The following WDPCP variants were observed in gnomAD, a reference collection of about 807,000 sequenced individuals.
WDPCP encodes WD repeat containing planar cell polarity effector.
WDPCP carries 71 observed loss-of-function variants against 93.1 expected under a neutral mutation model. The ratio of observed to expected loss-of-function variants is 0.76; its 90% CI spans 0.63 to 0.93. WDPCP has a LOEUF of 0.93. Ranked by LOEUF, WDPCP falls within the 40% of genes least tolerant of loss-of-function variation. WDPCP has a pLI of 0.00. For missense variants in WDPCP, 844 were observed against 887.4 expected, an observed-to-expected ratio of 0.95 and a Z score of 0.62; for synonymous variants, 315 against 315.0, an observed-to-expected ratio of 1.00 and a Z score of 0.00.
chr2:63,167,773 G>A (rs1271171461), intron 15 of WDPCP, among the ~76,000 whole-genome samples: 5 of 152,026 alleles, frequency 3.3e-5, no homozygotes, highest in Non-Finnish European at 7.4e-5. Context: ...TTATGTTTAG[G>A]TATTATTTCT....
intron 3 of WDPCP, among the ~76,000 whole-genome samples, chr2:63,638,768 G>A (rs552169367): frequency 6.6e-6 from 1 of 151,048 alleles, no homozygotes; most frequent in South Asian, 2.1e-4. Context: ...CAGCCTGGGT[G>A]ACAGAGGGAG....
intron 17 of WDPCP, among the ~76,000 whole-genome samples, chr2:63,137,784 T>C (rs1670734188): frequency 6.6e-6 from 1 of 152,198 alleles, no homozygotes; most frequent in African/African-American, 2.4e-5. Context: ...GCTAGCTACT[T>C]ATCCCAGCAC....
intron 2 of WDPCP, among the ~76,000 whole-genome samples, chr2:63,805,078 C>T (rs147926461): frequency 5.9e-5 from 9 of 152,118 alleles, no homozygotes; most frequent in East Asian, 1.9e-4. Flanking sequence ...GTGTCTCTGG[C>T]GGAAGATAGG....
chr2:63,486,585 C>T lies in WDPCP; in HGVS notation c.210G>A (p.Ala70=), dbSNP rs961809737. ...TCTTTTCTAAGTTACCATGCTCTGTCGCTGATATTGTGGCAGAAGGGATAG... is the reference window on the plus strand; with the variant it reads ...TCTTTTCTAAGTTACCATGCTCTGTTGCTGATATTGTGGCAGAAGGGATAG... The part of the protein sequence containing the change: ...YQYYDKKDPP[A]TEHGNLEKKQ... Residue 70 remains alanine (A), a splice_region_variant and synonymous_variant, in exon 4 of 18, where the codon GCG becomes GCA. Transcript: ENST00000272321. The T allele has an allele frequency of 8.9e-6, 14 of 1,573,584 alleles. No individual in the cohort carries two copies. The highest frequency in any genetic ancestry group is 5.3e-5 in the Admixed American group (3 of 57,000).
intron 1 of WDPCP, among the ~76,000 whole-genome samples, chr2:63,586,748 G>A (rs145557863): frequency 1.3e-5 from 2 of 152,150 alleles, no homozygotes; most frequent in Non-Finnish European, 2.9e-5. Flanking sequence ...ATGGGAATAC[G>A]GGGGCTTACA....
At chr2:63,648,513 C>T (rs1229808475) in intron 3 of WDPCP, among the ~76,000 whole-genome samples, 3 of 152,276 alleles carry the variant, frequency 2.0e-5, no homozygotes, top group Admixed American at 1.3e-4. Context: ...TCCCAAAATA[C>T]GGTGCCCCTA....
rs1673678424 is a variant in WDPCP, at chr2:63,174,815, C to T, written c.1933G>A (p.Asp645Asn). 1 of 1,613,818 alleles carries T rather than the reference C, an allele frequency of 6.2e-7. No homozygotes were observed. Among genetic ancestry groups the T allele is most frequent in the Non-Finnish European group, 8.5e-7 (1 of 1,179,848 alleles). ...TSGVELLGPLDRGDMLNEAFI... is the reference protein window; with the variant it reads ...TSGVELLGPLNRGDMLNEAFI... ...GCTTCATTTAGCATATCCCCTCTGTCCAAGGGTCCCAGGAGTTCTGTTGAA... is the reference window on the plus strand; with the variant it reads ...GCTTCATTTAGCATATCCCCTCTGTTCAAGGGTCCCAGGAGTTCTGTTGAA... Residue 645 changes from aspartate to asparagine, a missense_variant, in exon 15 of 18, where the codon GAC (aspartate) becomes AAC (asparagine). Transcript: ENST00000272321.
chr2:63,234,568 T>G (rs935250515), intron 14 of WDPCP, among the ~76,000 whole-genome samples: 4 of 152,188 alleles, frequency 2.6e-5, no homozygotes, highest in African/African-American at 4.8e-5. Context: ...CATTTTAAAG[T>G]ACATATAATC....
At chr2:63,642,403 A>G (rs994136222) in intron 3 of WDPCP, 4 of 151,208 alleles carry the variant, frequency 2.6e-5, no homozygotes, top group African/African-American at 9.7e-5. Context: ...TGCTTTGGGT[A>G]GTATGGACAT....
At chr2:63,489,122 T>TCC (rs749932904) in intron 2 of WDPCP, among the ~76,000 whole-genome samples, 8 of 151,980 alleles carry the variant, frequency 5.3e-5, no homozygotes, top group Admixed American at 1.3e-4. Context: ...GTATATCAAA[T>TCC]CCCACATGGG....
intron 13 of WDPCP, among the ~76,000 whole-genome samples, chr2:63,298,352 A>G (rs1323818219): frequency 6.6e-6 from 1 of 151,986 alleles, no homozygotes; most frequent in Non-Finnish European, 1.5e-5. Context: ...TATGCAAAGT[A>G]TTGTTTCTGG....
intron 1 of WDPCP, among the ~76,000 whole-genome samples, chr2:63,520,228 T>C (rs1293141159): frequency 1.3e-5 from 2 of 151,786 alleles, no homozygotes; most frequent in African/African-American, 2.4e-5. Context: ...CCAAGAAATA[T>C]GGGATTATAT....
At chr2:63,779,271 G>A (rs980484443) in intron 2 of WDPCP, among the ~76,000 whole-genome samples, 9 of 152,162 alleles carry the variant, frequency 5.9e-5, no homozygotes, top group Non-Finnish European at 1.2e-4. Context: ...TGCTGGAACT[G>A]TTTTCCAAAA....
At chr2:63,243,661 A>G (rs909457623) in intron 14 of WDPCP, among the ~76,000 whole-genome samples, 3 of 152,148 alleles carry the variant, frequency 2.0e-5, no homozygotes, top group Non-Finnish European at 2.9e-5. Flanking sequence ...AGACTTAACT[A>G]TCCTAAATGT....
chr2:63,276,192 A>C (rs945669735), intron 13 of WDPCP, among the ~76,000 whole-genome samples: 3 of 152,222 alleles, frequency 2.0e-5, no homozygotes, highest in Non-Finnish European at 2.9e-5. Context: ...AGAACACCAC[A>C]TCAAGGGAGC....
rs111592466 is a variant in WDPCP at position 63,683,575 on chromosome 2, G to T, written n.309-32737C>A. Among the ~76,000 whole-genome samples, 1,495 of 152,260 alleles carry T rather than the reference G, an allele frequency of 9.8e-3. 10 individuals are homozygous for T. Among genetic ancestry groups the T allele is most frequent in the Non-Finnish European group, 0.014 (985 of 68,008 alleles). Reference sequence around the variant, plus strand: ...AAGCTATAAAAAGAGACAAAGGGCTGGGCGCAGTGGCTCACATCTGTAATC... The same window carrying T: ...AAGCTATAAAAAGAGACAAAGGGCTTGGCGCAGTGGCTCACATCTGTAATC... On this transcript the variant is annotated intron_variant and non_coding_transcript_variant, in intron 2 of 4. Coordinates refer to the WDPCP transcript ENST00000467687.
At chr2:63,138,069 A>ATT (rs34667163) in intron 17 of WDPCP, among the ~76,000 whole-genome samples, 36,192 of 116,752 alleles carry the variant, frequency 0.31, 6,593 homozygotes, top group East Asian at 0.44. Flanking sequence ...GTTCCATATG[A>ATT]TTTTTTTTTT....
intron 2 of WDPCP, among the ~76,000 whole-genome samples, chr2:63,666,913 T>TA (rs1262241495): frequency 6.6e-6 from 1 of 152,070 alleles, no homozygotes; most frequent in African/African-American, 2.4e-5. Flanking sequence ...AACAGACCCA[T>TA]AAAAAAGAGC....
rs140319212 is a variant in WDPCP at position 63,366,721 on chromosome 2, A to G, written c.1748+11665T>C. Among the ~76,000 whole-genome samples the G allele has an allele frequency of 8.9e-3, 1,348 of 152,200 alleles. 23 individuals are homozygous for G. The highest frequency in any genetic ancestry group is 0.03 in the African/African-American group (1,257 of 41,560). ...TCTATACCATACTGCCCTCTACATC[A>G]GTATGTATCTCCCTTCTTATCAAAT... On this transcript the variant is annotated intron_variant, in intron 12 of 17. Transcript: ENST00000272321.
Sources: gnomAD v4.1 joint callset for allele counts (sites outside exome capture counted in the v4.1 genomes callset) on GRCh38, gnomAD v4.1.1 for gene constraint, MANE v1.5 for transcripts, NCBI Gene and HGNC (gene_info 2026-07-23, HGNC 2026-07-21) for gene names.